ARHGEF11: variants seen among roughly 807,000 people sequenced by gnomAD.
ARHGEF11 encodes the protein Rho guanine exchange factor (GEF) 11.
In ARHGEF11, 55 loss-of-function variants were observed where a neutral mutation model predicts 193.7. The ratio of observed to expected loss-of-function variants is 0.28; its 90% CI spans 0.23 to 0.36. ARHGEF11 has a LOEUF of 0.36. Among genes scored for constraint, ARHGEF11 ranks in the 10% least tolerant of loss-of-function variants. ARHGEF11 has a pLI of 1.00. For synonymous variants in ARHGEF11, 693 were observed against 768.0 expected, an observed-to-expected ratio of 0.90 and a Z score of 1.62; for missense variants, 1,723 against 2,005.6, an observed-to-expected ratio of 0.86 and a Z score of 2.69.
At chr1:156,981,579 T>C (rs7532063) in intron 3 of ARHGEF11, among the ~76,000 whole-genome samples, 33,741 of 152,158 alleles carry the variant, frequency 0.22, 3,957 homozygotes, top group East Asian at 0.36. Context: ...TGGGCTCAAG[T>C]GGTCCTCCCA....
chr1:156,998,227 C>G (rs963328853), intron 1 of ARHGEF11, among the ~76,000 whole-genome samples: 6 of 152,218 alleles, frequency 3.9e-5, no homozygotes, highest in African/African-American at 1.4e-4. Context: ...AACAATCCAG[C>G]ACTGCCCTAG....
chr1:157,038,693 T>C (rs999577326), intron 1 of ARHGEF11, among the ~76,000 whole-genome samples: 4 of 152,126 alleles, frequency 2.6e-5, no homozygotes, highest in African/African-American at 7.2e-5. Flanking sequence ...ATCTGTCCAA[T>C]TGTTTTAGTA....
intron 1 of ARHGEF11, among the ~76,000 whole-genome samples, chr1:157,034,360 A>C (rs1041440454): frequency 6.6e-6 from 1 of 152,216 alleles, no homozygotes; most frequent in African/African-American, 2.4e-5. Flanking sequence ...CCTTGTGCCC[A>C]TCAGACTCCT....
intron 1 of ARHGEF11, among the ~76,000 whole-genome samples, chr1:157,017,655 C>G: frequency 7.9e-6 from 1 of 126,900 alleles, no homozygotes; most frequent in East Asian, 2.5e-4. Flanking sequence ...TGCAGTGAGC[C>G]AAGACCGCGC....
intron 1 of ARHGEF11, among the ~76,000 whole-genome samples, chr1:157,009,008 T>C (rs557819287): frequency 6.6e-6 from 1 of 152,164 alleles, no homozygotes. Context: ...CACTCAGGAG[T>C]AGGGGTTAGC....
intron 1 of ARHGEF11, among the ~76,000 whole-genome samples, chr1:156,991,458 T>C (rs1489141688): frequency 2.6e-5 from 4 of 152,146 alleles, no homozygotes; most frequent in Non-Finnish European, 4.4e-5. Context: ...TAGCTGGGAT[T>C]ACAGGCACAC....
At chr1:156,993,997 G>A (rs1471309507) in intron 1 of ARHGEF11, among the ~76,000 whole-genome samples, 1 of 152,158 alleles carries the variant, frequency 6.6e-6, no homozygotes, top group Admixed American at 6.5e-5. Context: ...GGTCTGTGGT[G>A]TGGAATCTAT....
chr1:156,941,568 A>G (rs1656938930), intron 34 of ARHGEF11, 135 bp from the exon 35 acceptor site: 1 of 1,027,518 alleles, frequency 9.7e-7, no homozygotes, highest in Non-Finnish European at 1.5e-6. Flanking sequence ...TTGGCAACCC[A>G]GAGAGGAGGG....
chr1:156,959,417 T>C (rs915754825), intron 15 of ARHGEF11, among the ~76,000 whole-genome samples: 2 of 152,236 alleles, frequency 1.3e-5, no homozygotes, highest in African/African-American at 4.8e-5. Flanking sequence ...GTCCCTCTCA[T>C]TGGATATGTC....
At chr1:156,965,869 A>G (rs1190457510) in intron 11 of ARHGEF11, among the ~76,000 whole-genome samples, 4 of 152,178 alleles carry the variant, frequency 2.6e-5, no homozygotes, top group Admixed American at 6.5e-5. Flanking sequence ...CAAGAAACTT[A>G]AGAGCTCTGT....
chr1:156,966,624 A>C (rs553570448), intron 11 of ARHGEF11, among the ~76,000 whole-genome samples: 1 of 152,318 alleles, frequency 6.6e-6, no homozygotes, highest in South Asian at 2.1e-4. Context: ...GGTCAAAATG[A>C]TTTTAGGTGC....
chr1:156,987,545 T>A (rs1360154353), intron 1 of ARHGEF11, among the ~76,000 whole-genome samples: 2 of 152,212 alleles, frequency 1.3e-5, no homozygotes, highest in African/African-American at 2.4e-5. Context: ...ATAACACAGT[T>A]GTCTCTGAGG....
rs766691611 is a variant in ARHGEF11 at position 156,947,357 on chromosome 1, C to T, written c.2435G>A (p.Arg812Gln). The T allele has an allele frequency of 1.5e-5, 24 of 1,613,846 alleles. No individual in the cohort carries two copies. The highest frequency in any genetic ancestry group is 4.5e-5 in the East Asian group (2 of 44,880). Residue 812 changes from arginine (R) to glutamine (Q), a missense_variant, in exon 26 of 41, where the codon CGG (arginine) becomes CAG (glutamine). Physicochemically the swap from Arg to Gln is conservative, Grantham distance 43. This residue lies in a region of ARHGEF11 where 491 missense variants were observed against 654.5 expected (regional missense o/e 0.75). Coordinates refer to ENST00000368194, the MANE Select transcript of ARHGEF11 (RefSeq NM_198236.3). The stretch of plus-strand genomic sequence containing the variant: ...CGGGAAGAGCCGGGCCAGCTCCTCC[C>T]GGGGCATCAGGTTCTCCTTCTTCAT... The part of the protein sequence containing the change: ...QRMKKENLMP[R>Q]EELARLFPNL...
intron 1 of ARHGEF11, among the ~76,000 whole-genome samples, chr1:157,035,177 C>T (rs190519325): frequency 5.3e-5 from 8 of 152,172 alleles, no homozygotes; most frequent in Admixed American, 2.0e-4. Flanking sequence ...TTGGGATGAG[C>T]GCTTAGGCCC....
At chr1:156,949,251 T>G (rs1658711642) in intron 22 of ARHGEF11, 1 of 298,652 alleles carries the variant, frequency 3.3e-6, no homozygotes, top group Admixed American at 6.5e-5. Context: ...TGGGGTTTGA[T>G]GAGATGCTGA....
At chr1:156,957,663 G>A in intron 18 of ARHGEF11, 129 bp downstream of exon 18, 1 of 1,040,728 alleles carries the variant, frequency 9.6e-7, no homozygotes, top group South Asian at 1.4e-5. Context: ...AGACTTTCAG[G>A]AACCACGGTC....
intron 18 of ARHGEF11, among the ~76,000 whole-genome samples, 197 bp from the exon 19 acceptor site, chr1:156,956,761 G>A (rs1358206593): frequency 6.6e-6 from 1 of 152,196 alleles, no homozygotes. Context: ...TCTCCACACA[G>A]TGAGCCCACA....
chr1:156,983,316 G>T (rs1664463317), intron 3 of ARHGEF11, among the ~76,000 whole-genome samples: 2 of 152,204 alleles, frequency 1.3e-5, no homozygotes, highest in South Asian at 4.1e-4. Flanking sequence ...TCCGGCCACG[G>T]GTTCATGCCA....
At chr1:156,968,457 T>C (rs1327119319) in intron 10 of ARHGEF11, among the ~76,000 whole-genome samples, 3 of 152,176 alleles carry the variant, frequency 2.0e-5, no homozygotes, top group Non-Finnish European at 4.4e-5. Flanking sequence ...GCACACACTC[T>C]TCATCACCAA....
Sources: gnomAD v4.1 joint callset for allele counts (sites outside exome capture counted in the v4.1 genomes callset) on GRCh38, gnomAD v4.1.1 for gene constraint, gnomAD v4.1.1 regional missense constraint, MANE v1.5 for transcripts, NCBI Gene and HGNC (gene_info 2026-07-23, HGNC 2026-07-21) for gene names.